MAPK4: variants seen among roughly 807,000 people sequenced by gnomAD.
MAPK4 encodes the protein mitogen-activated protein kinase 4, also known as Erk3-related.
MAPK4 carries 22 observed loss-of-function variants against 47.7 expected under a neutral mutation model. The observed-to-expected ratio is 0.46, with a 90% CI of 0.33 to 0.66. The LOEUF (loss-of-function observed/expected upper bound fraction) is 0.66, where lower values mean the gene tolerates loss of function less well. Among genes scored for constraint, MAPK4 ranks in the 30% least tolerant of loss-of-function variants. The probability of loss-of-function intolerance (pLI) is 0.02; values close to 1 mark genes in which losing one functional copy is unlikely to be tolerated. For missense variants in MAPK4, 736 were observed against 831.7 expected (o/e 0.88, Z 1.42); for synonymous variants, 390 against 365.7 (o/e 1.07, Z -0.76).
intron 2 of MAPK4, chr18:50,704,583 G>A: frequency 5.0e-6 from 2 of 398,652 alleles, no homozygotes; most frequent in Non-Finnish European, 8.8e-6. Context: ...CTTCTGAGAA[G>A]GGAGAAGTCA....
At chr18:50,602,417 C>T (rs2042548579) in intron 1 of MAPK4, among the ~76,000 whole-genome samples, 1 of 152,182 alleles carries the variant, frequency 6.6e-6, no homozygotes, top group Middle Eastern at 3.2e-3. Context: ...TTGGAACATC[C>T]TCCCTGGCTA....
chr18:50,686,319 T>C (rs1438428019), intron 2 of MAPK4, among the ~76,000 whole-genome samples: 3 of 152,218 alleles, frequency 2.0e-5, no homozygotes, highest in Admixed American at 2.0e-4. Flanking sequence ...GGCAGCTATG[T>C]ACCCAGGCAG....
In MAPK4 at chr18:50,721,920, C is replaced by G; in HGVS notation, c.692-18C>G. On this transcript the variant is annotated intron_variant, in intron 3 of 5. Transcript: ENST00000400384. ...CCCCTTGGACAGCACACTTAACCATCTGGCATTGCCTCCCCAGGGGCCCAT... is the reference window on the plus strand; with the variant it reads ...CCCCTTGGACAGCACACTTAACCATGTGGCATTGCCTCCCCAGGGGCCCAT... The G allele has an allele frequency of 1.2e-6, 2 of 1,613,594 alleles. No homozygotes were observed. Among genetic ancestry groups the G allele is most frequent in the Non-Finnish European group, 1.7e-6 (2 of 1,179,838 alleles).
At chr18:50,714,835 A>G (rs1910553437) in intron 2 of MAPK4, among the ~76,000 whole-genome samples, 1 of 152,216 alleles carries the variant, frequency 6.6e-6, no homozygotes, top group Non-Finnish European at 1.5e-5. Flanking sequence ...ATTCCTTTCT[A>G]TAAAGGAGAA....
intron 1 of MAPK4, among the ~76,000 whole-genome samples, chr18:50,575,055 A>T (rs542655022): frequency 6.6e-6 from 1 of 152,326 alleles, no homozygotes; most frequent in African/African-American, 2.4e-5. Context: ...CTAATGCAAC[A>T]GTGTTGGGAA....
intron 1 of MAPK4, among the ~76,000 whole-genome samples, chr18:50,628,297 C>T (rs1157943792): frequency 1.3e-5 from 2 of 152,156 alleles, no homozygotes; most frequent in African/African-American, 4.8e-5. Context: ...TTTCCAAATC[C>T]AACATCTGAT....
rs1221843091 is a variant in MAPK4 at position 50,729,614 on chromosome 18, C to T, written c.1524C>T (p.Ser508=). 7.3e-7 allele frequency: 1 copy of T among 1,376,878 alleles called. No homozygotes were observed. Among genetic ancestry groups the T allele is most frequent in the South Asian group, 1.9e-5 (1 of 53,158 alleles). 85.3% of individuals were successfully genotyped at this position (1,376,878 alleles called of 1,614,324 possible). ...CGCAGGGCGGCCCAGAGCACGCCAG[C>T]CCGCCCGCCGACGACCCCGAGCGCC... ...KSTQGGPEHA[S]PPADDPERRL... The change falls in exon 6 of 6, where the codon AGC becomes AGT. Residue 508 remains serine (S), a synonymous_variant. Transcript: ENST00000400384.
Position 50,721,887 on chromosome 18 carries a change from C to T in MAPK4, c.692-51C>T, listed in dbSNP as rs1238914253. 5 of 1,598,540 alleles carry T rather than the reference C, an allele frequency of 3.1e-6. No individual in the cohort carries two copies. The African/African-American group carries it at 5.4e-5, about 17-fold the overall frequency. On this transcript the variant is annotated intron_variant, in intron 3 of 5. Coordinates refer to ENST00000400384, the MANE Select transcript of MAPK4 (RefSeq NM_002747.4). ...CTGGCACTGCTTTTGGGCTACTGCA[C>T]ACCACAGCCCCTTGGACAGCACACT...
Position 50,606,937 on chromosome 18 carries a change from GAC to G in MAPK4, c.-871+46695_-871+46696del, listed in dbSNP as rs201040188. Among the ~76,000 whole-genome samples, 697 of 152,308 alleles carry G rather than the reference GAC, an allele frequency of 4.6e-3. 41 individuals are homozygous for G. The East Asian group carries it at 0.12, about 26-fold the overall frequency. On this transcript the variant is annotated intron_variant, in intron 1 of 5. Transcript: ENST00000400384. ...AAGTTCAAAGCCTGTGTCAGGCTGG[GAC>G]CCCAAGTGACTACGTGAGCCGAGTC...
chr18:50,649,944 C>T (rs568003561), intron 1 of MAPK4, among the ~76,000 whole-genome samples: 11 of 152,288 alleles, frequency 7.2e-5, no homozygotes, highest in African/African-American at 2.2e-4. Context: ...CCATCCAGCC[C>T]GCTGCAGGCC....
At chr18:50,631,469 G>A (rs545908819) in intron 1 of MAPK4, among the ~76,000 whole-genome samples, 37 of 152,302 alleles carry the variant, frequency 2.4e-4, no homozygotes, top group African/African-American at 8.4e-4. Flanking sequence ...ATCAGAGGCT[G>A]GCAGGAACAT....
chr18:50,615,203 G>C (rs112838532), intron 1 of MAPK4, among the ~76,000 whole-genome samples: 17 of 152,040 alleles, frequency 1.1e-4, no homozygotes, highest in South Asian at 8.3e-4. Context: ...AATTGTGTTG[G>C]GGGGGGAGAT....
At position 50,643,428 on chromosome 18, in the gene MAPK4, C is replaced by T. The variant is rs191004615; in HGVS notation, c.-870-19661C>T. On this transcript the variant is annotated intron_variant, in intron 1 of 5. Transcript: ENST00000400384. Reference sequence around the variant, plus strand: ...AGCTACTCTACTTGGGAGGCTAAGGCGGGAGGATCACTTGAACCTGGGAAG... The same window carrying T: ...AGCTACTCTACTTGGGAGGCTAAGGTGGGAGGATCACTTGAACCTGGGAAG... Among the ~76,000 whole-genome samples, 7 of 152,348 alleles carry T rather than the reference C, an allele frequency of 4.6e-5. No homozygotes were observed. The East Asian group carries it at 1.2e-3, about 25-fold the overall frequency.
intron 1 of MAPK4, among the ~76,000 whole-genome samples, chr18:50,598,154 C>CT (rs1030612257): frequency 1.3e-5 from 2 of 152,182 alleles, no homozygotes; most frequent in African/African-American, 4.8e-5. Flanking sequence ...TATGTTAGAC[C>CT]TTAAAACTTG....
intron 2 of MAPK4, among the ~76,000 whole-genome samples, chr18:50,693,862 C>T (rs1012758722): frequency 6.6e-6 from 1 of 152,116 alleles, no homozygotes; most frequent in Non-Finnish European, 1.5e-5. Flanking sequence ...GGGCTTGACT[C>T]CAGGACTTCT....
At chr18:50,637,890 C>T (rs918951596) in intron 1 of MAPK4, among the ~76,000 whole-genome samples, 7 of 152,182 alleles carry the variant, frequency 4.6e-5, no homozygotes, top group Non-Finnish European at 7.3e-5. Flanking sequence ...GGGCCTACCC[C>T]GATGACTTCA....
intron 1 of MAPK4, among the ~76,000 whole-genome samples, chr18:50,627,314 G>A (rs2042787661): frequency 6.6e-6 from 1 of 152,202 alleles, no homozygotes; most frequent in Non-Finnish European, 1.5e-5. Context: ...TCCCCTCAGG[G>A]GGAAGGTTCT....
intron 2 of MAPK4, among the ~76,000 whole-genome samples, chr18:50,673,834 C>T (rs575577300): frequency 1.7e-4 from 26 of 152,146 alleles, no homozygotes; most frequent in Admixed American, 7.2e-4. Context: ...CCAGCCTGGG[C>T]GACGCAGCAA....
At chr18:50,567,288 G>T (rs2042207272) in intron 1 of MAPK4, among the ~76,000 whole-genome samples, 1 of 152,052 alleles carries the variant, frequency 6.6e-6, no homozygotes, top group African/African-American at 2.4e-5. Context: ...CCCTCCCTGT[G>T]TCCTTGTGTT....
Sources: allele counts gnomAD v4.1 joint callset (sites outside exome capture counted in the v4.1 genomes callset), GRCh38; gene constraint gnomAD v4.1.1; transcripts MANE v1.5; gene names NCBI Gene and HGNC (gene_info 2026-07-23, HGNC 2026-07-21).